Variants in LEKR1 observed in about 807,000 individuals in gnomAD.
LEKR1 encodes the protein protein LEKR1.
In LEKR1, 59 loss-of-function variants were observed where a neutral mutation model predicts 72.4. That is an observed-to-expected ratio of 0.82 (90% CI 0.66 to 1.01). The LOEUF is 1.01. Among genes scored for constraint, LEKR1 ranks in the 50% least tolerant of loss-of-function variants. LEKR1 has a pLI of 0.00. For missense variants in LEKR1, 728 were observed against 759.2 expected, an observed-to-expected ratio of 0.96 and a Z score of 0.48; for synonymous variants, 257 against 263.2, an observed-to-expected ratio of 0.98 and a Z score of 0.23.
chr3:156,999,065 C>T (rs761223095), intron 9 of LEKR1, among the ~76,000 whole-genome samples: 10 of 152,078 alleles, frequency 6.6e-5, no homozygotes, highest in South Asian at 4.1e-4. Flanking sequence ...CCCCTTTGCC[C>T]GGCACTCACT....
intron 6 of LEKR1, among the ~76,000 whole-genome samples, chr3:156,971,995 A>C (rs1302778752): frequency 1.3e-5 from 2 of 152,210 alleles, no homozygotes. Flanking sequence ...TACTGGGTAC[A>C]TACTGAAAGG....
intron 5 of LEKR1, among the ~76,000 whole-genome samples, chr3:156,928,039 C>T (rs1208800354): frequency 1.3e-5 from 2 of 151,890 alleles, no homozygotes; most frequent in Non-Finnish European, 2.9e-5. Flanking sequence ...GTGAAAGATG[C>T]CAATTTGAAA....
intron 11 of LEKR1, among the ~76,000 whole-genome samples, chr3:157,025,640 A>T (rs561560003): frequency 3.8e-4 from 58 of 152,374 alleles, no homozygotes; most frequent in African/African-American, 1.4e-3. Context: ...AGCACCAGCT[A>T]CATGTGTACA....
chr3:156,853,497 C>T (rs530714811), intron 3 of LEKR1, among the ~76,000 whole-genome samples: 4 of 152,154 alleles, frequency 2.6e-5, no homozygotes, highest in Non-Finnish European at 5.9e-5. Flanking sequence ...TGCCTAAAGA[C>T]ACTTCAGTGA....
chr3:156,962,357 G>T (rs1202176637), intron 6 of LEKR1, among the ~76,000 whole-genome samples: 4 of 152,164 alleles, frequency 2.6e-5, no homozygotes, highest in Non-Finnish European at 5.9e-5. Context: ...ATTTTTAGTT[G>T]TATTAAATCC....
At chr3:156,851,300 T>G (rs1715324795) in intron 2 of LEKR1, 1 of 152,226 alleles carries the variant, frequency 6.6e-6, no homozygotes, top group African/African-American at 2.4e-5. Context: ...ATGTCCCACA[T>G]GGTTTCTAAG....
intron 10 of LEKR1, among the ~76,000 whole-genome samples, chr3:157,018,445 G>C (rs1486558733): frequency 2.6e-5 from 4 of 152,128 alleles, no homozygotes; most frequent in Non-Finnish European, 4.4e-5. Context: ...GTCTCAATAA[G>C]TTTAAAAGGA....
At chr3:156,844,082 A>G (rs887183205) in intron 2 of LEKR1, among the ~76,000 whole-genome samples, 1 of 152,150 alleles carries the variant, frequency 6.6e-6, no homozygotes, top group Non-Finnish European at 1.5e-5. Flanking sequence ...CATTGAGTTT[A>G]CTAAGGTGAG....
chr3:156,948,811 C>T (rs921849782), intron 6 of LEKR1, among the ~76,000 whole-genome samples: 18 of 151,512 alleles, frequency 1.2e-4, no homozygotes, highest in African/African-American at 4.4e-4. Flanking sequence ...CTTTTCTCTG[C>T]AAACTCACCA....
chr3:156,970,215 AC>A (rs1361045691), intron 6 of LEKR1, among the ~76,000 whole-genome samples: 2 of 152,208 alleles, frequency 1.3e-5, no homozygotes, highest in African/African-American at 4.8e-5. Flanking sequence ...CTGGCACAAG[AC>A]AGGGATGCCC....
chr3:156,932,726 G>GGT (rs1725348379), intron 5 of LEKR1, among the ~76,000 whole-genome samples: 1 of 129,864 alleles, frequency 7.7e-6, no homozygotes. Flanking sequence ...AAAAAAAAGG[G>GGT]TATCTATGTT....
intron 5 of LEKR1, among the ~76,000 whole-genome samples, chr3:156,932,891 G>A (rs532829384): frequency 4.6e-5 from 7 of 152,072 alleles, no homozygotes; most frequent in South Asian, 4.2e-4. Flanking sequence ...TTAGCCAGGC[G>A]TGGTGGCGGG....
intron 11 of LEKR1, among the ~76,000 whole-genome samples, chr3:157,025,474 A>G (rs1195821295): frequency 6.6e-5 from 10 of 151,720 alleles, no homozygotes; most frequent in African/African-American, 2.4e-4. Context: ...GTGTGTGTGT[A>G]TGTGTATTAA....
chr3:157,041,388 T>C (rs920834807), intron 12 of LEKR1, among the ~76,000 whole-genome samples: 1 of 152,206 alleles, frequency 6.6e-6, no homozygotes, highest in African/African-American at 2.4e-5. Flanking sequence ...TTCATGCAGA[T>C]TTGATCATAC....
At chr3:157,041,529 G>A (rs552669284) in intron 12 of LEKR1, among the ~76,000 whole-genome samples, 1 of 151,898 alleles carries the variant, frequency 6.6e-6, no homozygotes, top group South Asian at 2.1e-4. Context: ...TATCAGTCCT[G>A]GTCTCTCCTC....
In LEKR1 at chr3:156,888,233, A is replaced by G. The variant is rs1000272934; in HGVS notation, c.264-32342A>G. The G allele has an allele frequency of 1.0e-5, 7 of 682,830 alleles. No individual in the cohort carries two copies. The African/African-American group carries it at 1.1e-4, about 10-fold the overall frequency. 42.3% of individuals were successfully genotyped at this position (682,830 alleles called of 1,614,324 possible). A position where few individuals can be genotyped will look rare whatever the true frequency, so the allele number is the denominator to read the frequency against. ...AAGTAAAGTAAAGCAGTTGGTCAAC[A>G]CTTTTATTTAAAAGGAAATGCACAG... On this transcript the variant is annotated intron_variant, in intron 3 of 12. Coordinates refer to ENST00000356539, the MANE Select transcript of LEKR1 (RefSeq NM_001004316.3).
At chr3:156,879,677 A>G (rs532504480) in intron 3 of LEKR1, among the ~76,000 whole-genome samples, 33 of 152,268 alleles carry the variant, frequency 2.2e-4, no homozygotes, top group African/African-American at 7.7e-4. Context: ...ACAGGCCTGG[A>G]GGCCTAGGAG....
chr3:156,976,807 T>C (rs1260193631), intron 6 of LEKR1, among the ~76,000 whole-genome samples: 1 of 152,218 alleles, frequency 6.6e-6, no homozygotes, highest in Non-Finnish European at 1.5e-5. Flanking sequence ...AGGATCTAAC[T>C]AGCTGAGTGA....
chr3:156,853,177 T>C, intron 3 of LEKR1, 195 bp downstream of exon 3: 1 of 319,360 alleles, frequency 3.1e-6, no homozygotes, highest in Non-Finnish European at 5.5e-6. Context: ...ATATATTTAC[T>C]ATCTGAAAAA....
Sources: allele counts gnomAD v4.1 joint callset (sites outside exome capture counted in the v4.1 genomes callset), GRCh38; gene constraint gnomAD v4.1.1; transcripts MANE v1.5; gene names NCBI Gene and HGNC (gene_info 2026-07-23, HGNC 2026-07-21).